The following PPA2 variants were observed in gnomAD, a reference collection of about 807,000 sequenced individuals.
PPA2 encodes inorganic pyrophosphatase 2, also known as inorganic pyrophosphatase 2, mitochondrial.
A neutral mutation model predicts 49.5 loss-of-function variants in PPA2; 48 were observed. The ratio of observed to expected loss-of-function variants is 0.97; its 90% CI spans 0.77 to 1.23. The LOEUF (loss-of-function observed/expected upper bound fraction) is 1.23, where lower values mean the gene tolerates loss of function less well. Among genes scored for constraint, PPA2 ranks in the 50% most tolerant of loss-of-function variants. PPA2 has a pLI of 0.00. For synonymous variants in PPA2, 131 were observed against 139.9 expected (o/e 0.94, Z 0.45); for missense variants, 429 against 410.1 (o/e 1.05, Z -0.40).
At chr4:105,412,423 T>C (rs1722803699) in intron 7 of PPA2, among the ~76,000 whole-genome samples, 1 of 152,190 alleles carries the variant, frequency 6.6e-6, no homozygotes, top group Non-Finnish European at 1.5e-5. Flanking sequence ...GACATAGGCA[T>C]GGGCAAAGAC....
At chr4:105,379,434 T>C (rs1014689533) in intron 10 of PPA2, among the ~76,000 whole-genome samples, 1 of 83,654 alleles carries the variant, frequency 1.2e-5, no homozygotes, top group African/African-American at 3.2e-5. Context: ...TGTAGATAGA[T>C]AGATAGATAG....
Position 105,474,000 on chromosome 4 carries a change from G to A in PPA2, c.51C>T (p.Cys17=), listed in dbSNP as rs1723655620. The change falls in exon 1 of 12, where the codon TGC becomes TGT. Residue 17 remains cysteine, a synonymous_variant. Coordinates refer to ENST00000341695, the MANE Select transcript of PPA2 (RefSeq NM_176869.3). ...LLRTGAPAAA[C]LRLGTSAGTG... is the part of the protein sequence containing the mutation. ...TCCCTGCACTGGTCCCCAACCGCAG[G>A]CACGCAGCGGCTGGGGCACCCGTGC... 1.9e-6 allele frequency: 3 copies of A among 1,606,008 alleles called. No individual in the cohort carries two copies. The highest frequency in any genetic ancestry group is 2.5e-6 in the Non-Finnish European group (3 of 1,176,698).
chr4:105,441,133 T>C (rs1366982912), intron 5 of PPA2, among the ~76,000 whole-genome samples: 1 of 152,128 alleles, frequency 6.6e-6, no homozygotes, highest in African/African-American at 2.4e-5. Context: ...GACAAATAAC[T>C]AGAAAAGAAC....
At chr4:105,389,305 A>G (rs570447023) in intron 9 of PPA2, among the ~76,000 whole-genome samples, 1 of 152,232 alleles carries the variant, frequency 6.6e-6, no homozygotes, top group East Asian at 1.9e-4. Context: ...ACAATATTGA[A>G]TCATGGAGGC....
intron 1 of PPA2, chr4:105,473,227 C>A: frequency 6.1e-6 from 1 of 163,908 alleles, no homozygotes. Flanking sequence ...AGGGACCCCC[C>A]CGAAGTCGCT....
At position 105,439,637 on chromosome 4, in the gene PPA2, AATT is replaced by A. The variant is rs66474849; in HGVS notation, c.442-1604_442-1602del. Among the ~76,000 whole-genome samples, 1,398 of 152,142 alleles carry A rather than the reference AATT, an allele frequency of 9.2e-3. 13 individuals carry two copies. Among genetic ancestry groups the A allele is most frequent in the Middle Eastern group, 0.02 (6 of 294 alleles). On this transcript the variant is annotated intron_variant, in intron 5 of 11. Transcript: ENST00000341695. ...TGACAAATGCAATAAAGGTAATAAG[AATT>A]ATTATTATTATAATAAATGGCATGG...
At chr4:105,405,702 C>T (rs1420579109) in intron 7 of PPA2, 2 of 871,846 alleles carry the variant, frequency 2.3e-6, no homozygotes, top group Non-Finnish European at 2.9e-6. Flanking sequence ...AATGTACTCC[C>T]TCAGGCTAAC....
chr4:105,425,259 C>T (rs529429359), intron 6 of PPA2, among the ~76,000 whole-genome samples: 14 of 151,954 alleles, frequency 9.2e-5, no homozygotes, highest in Non-Finnish European at 7.4e-5. Flanking sequence ...TCAACAGAAA[C>T]ATTTCCAGAA....
intron 7 of PPA2, among the ~76,000 whole-genome samples, chr4:105,400,140 T>A (rs1405646590): frequency 6.6e-6 from 1 of 152,176 alleles, no homozygotes; most frequent in Non-Finnish European, 1.5e-5. Flanking sequence ...TACAGTATAT[T>A]GTCACAGCAT....
Position 105,424,271 on chromosome 4 carries a change from G to C in PPA2, c.580C>G (p.Leu194Val). 6.2e-7 allele frequency: 1 copy of C among 1,606,544 alleles called. No individual in the cohort carries two copies. Among genetic ancestry groups the C allele is most frequent in the Non-Finnish European group, 8.5e-7 (1 of 1,177,884 alleles). Residue 194 changes from leucine to valine, a missense_variant, in exon 7 of 12, where the codon CTT becomes GTT. Leu to Val is a conservative substitution (Grantham distance 32). Coordinates refer to ENST00000341695, the MANE Select transcript of PPA2 (RefSeq NM_176869.3). The part of the protein sequence containing the change: ...IHVKILGILA[L>V]IDEGETDWKL... ...CAATCTGTTTCACCTTCATCAATAA[G>C]AGCCAAAATTCCAAGGATCTTCACA...
chr4:105,473,235 G>A (rs910202366), intron 1 of PPA2: 18 of 165,648 alleles, frequency 1.1e-4, no homozygotes, highest in African/African-American at 1.9e-4. Context: ...CCCCGAAGTC[G>A]CTTAGCCTTC....
At chr4:105,455,818 T>C (rs751067406) in intron 2 of PPA2, among the ~76,000 whole-genome samples, 1 of 152,128 alleles carries the variant, frequency 6.6e-6, no homozygotes, top group African/African-American at 2.4e-5. Context: ...TGCCCCTATA[T>C]TGATCACCCC....
chr4:105,445,875 CTT>C (rs753052545), intron 5 of PPA2, among the ~76,000 whole-genome samples: 4 of 152,030 alleles, frequency 2.6e-5, no homozygotes, highest in Non-Finnish European at 4.4e-5. Flanking sequence ...TTATTTAGCT[CTT>C]GTTTTCTCTG....
rs201990956 is a variant in PPA2 at position 105,438,066 on chromosome 4, A to T, written c.442-30T>A. 10 of 1,412,262 alleles carry T rather than the reference A, an allele frequency of 7.1e-6. No individual in the cohort carries two copies. In the East Asian group the frequency reaches 1.4e-4, roughly 20 times the overall value. 87.5% of individuals were successfully genotyped at this position (1,412,262 alleles called of 1,614,324 possible). Reference sequence around the variant, plus strand: ...AATTTTTTTTTTAAAAAAAAGCAGAAATGTAAGTTAATACTATAATGTACT... The same window carrying T: ...AATTTTTTTTTTAAAAAAAAGCAGATATGTAAGTTAATACTATAATGTACT... On this transcript the variant is annotated intron_variant, in intron 5 of 11. Transcript: ENST00000341695.
chr4:105,447,258 A>G (rs568663716), intron 4 of PPA2, among the ~76,000 whole-genome samples: 1 of 152,366 alleles, frequency 6.6e-6, no homozygotes, highest in South Asian at 2.1e-4. Context: ...ATGAAACTGG[A>G]GAACATTATG....
At chr4:105,458,610 T>G (rs1244945862) in intron 1 of PPA2, among the ~76,000 whole-genome samples, 2 of 151,118 alleles carry the variant, frequency 1.3e-5, no homozygotes, top group Admixed American at 1.3e-4. Flanking sequence ...TCACCTGAGG[T>G]CAGGAGTTTG....
rs772030746 is a variant in PPA2, at chr4:105,396,372, A to AT, written c.784-39dup. 3.6e-6 allele frequency: 5 copies of AT among 1,391,680 alleles called. No homozygotes were observed. In the African/African-American group the frequency reaches 7.2e-5, roughly 20 times the overall value. 86.2% of individuals were successfully genotyped at this position (1,391,680 alleles called of 1,614,324 possible). A position where few individuals can be genotyped will look rare whatever the true frequency, so the allele number is the denominator to read the frequency against. ...AAACAAATAAAAAAAGACGTATTTA[A>AT]TATCAGTCACATTGTTACACTAACA... On this transcript the variant is annotated intron_variant, in intron 8 of 11. Transcript: ENST00000341695.
At chr4:105,473,602 C>CCTA (rs1723626545) in intron 1 of PPA2, 1 of 639,920 alleles carries the variant, frequency 1.6e-6, no homozygotes. Context: ...ACTCTGCCTA[C>CCTA]CCCTCGGGGA....
chr4:105,463,744 TG>T (rs1275893980), intron 1 of PPA2, among the ~76,000 whole-genome samples: 4 of 152,140 alleles, frequency 2.6e-5, no homozygotes, highest in Non-Finnish European at 5.9e-5. Flanking sequence ...AGGTACAGCT[TG>T]GGTTTTTGCT....
Sources: allele counts gnomAD v4.1 joint callset (sites outside exome capture counted in the v4.1 genomes callset), GRCh38; gene constraint gnomAD v4.1.1; transcripts MANE v1.5; gene names NCBI Gene and HGNC (gene_info 2026-07-23, HGNC 2026-07-21).